FAM81B: variants seen among roughly 807,000 people sequenced by gnomAD.
FAM81B encodes the protein family with sequence similarity 81 member B.
A neutral mutation model predicts 58.7 loss-of-function variants in FAM81B; 60 were observed. The ratio of observed to expected loss-of-function variants is 1.02; its 90% CI spans 0.83 to 1.27. The LOEUF is 1.27. Among genes scored for constraint, FAM81B ranks in the 50% most tolerant of loss-of-function variants. The probability of loss-of-function intolerance (pLI) is 0.00; values close to 1 mark genes in which losing one functional copy is unlikely to be tolerated. For synonymous variants in FAM81B, 189 were observed against 179.6 expected (o/e 1.05, Z -0.42); for missense variants, 491 against 522.0 (o/e 0.94, Z 0.58).
At chr5:95,445,357 C>T (rs1438917408) in intron 7 of FAM81B, among the ~76,000 whole-genome samples, 1 of 152,168 alleles carries the variant, frequency 6.6e-6, no homozygotes, top group Admixed American at 6.5e-5. Flanking sequence ...AAGCCAACAT[C>T]TTATCATGAG....
intron 3 of FAM81B, chr5:95,410,870 CAAAT>C (rs2152762944): frequency 6.6e-6 from 1 of 152,170 alleles, no homozygotes; most frequent in South Asian, 2.1e-4. Flanking sequence ...CTGGCTCTAC[CAAAT>C]AAATAGTTCT....
At chr5:95,403,978 G>C (rs1762179333) in intron 3 of FAM81B, among the ~76,000 whole-genome samples, 1 of 152,126 alleles carries the variant, frequency 6.6e-6, no homozygotes, top group Admixed American at 6.5e-5. Context: ...GTAACCAATG[G>C]TATCTGCCAT....
intron 2 of FAM81B, 120 bp downstream of exon 2, chr5:95,393,017 G>T: frequency 1.1e-6 from 1 of 928,168 alleles, no homozygotes; most frequent in Non-Finnish European, 1.5e-6. Context: ...TTTCCTGTTT[G>T]TTCTGTCTTG....
At chr5:95,436,019 C>T (rs1008769224) in intron 6 of FAM81B, among the ~76,000 whole-genome samples, 2 of 152,142 alleles carry the variant, frequency 1.3e-5, no homozygotes, top group Non-Finnish European at 2.9e-5. Flanking sequence ...TCCATATGAC[C>T]GTCTTTATTA....
At chr5:95,424,445 A>G (rs900115744) in intron 5 of FAM81B, among the ~76,000 whole-genome samples, 29 of 137,124 alleles carry the variant, frequency 2.1e-4, no homozygotes, top group African/African-American at 7.0e-4. Context: ...AAGACAAAGA[A>G]TTTAAAAAAA....
chr5:95,412,214 C>T (rs537451182), intron 3 of FAM81B, among the ~76,000 whole-genome samples: 11 of 152,200 alleles, frequency 7.2e-5, no homozygotes, highest in African/African-American at 2.6e-4. Flanking sequence ...CATAGCACTG[C>T]TCTTTTTGAA....
chr5:95,399,005 C>G (rs61335740), intron 3 of FAM81B, among the ~76,000 whole-genome samples: 2,221 of 152,314 alleles, frequency 0.015, 60 homozygotes, highest in African/African-American at 0.05. Context: ...CAAATTCCAA[C>G]TTTCCTGAAC....
At chr5:95,448,027 G>A (rs1745649608) in intron 8 of FAM81B, among the ~76,000 whole-genome samples, 1 of 152,092 alleles carries the variant, frequency 6.6e-6, no homozygotes, top group Admixed American at 6.5e-5. Context: ...AATTCTCAAG[G>A]CATTTGGGCC....
chr5:95,422,883 C>A (rs1207163678), intron 5 of FAM81B, among the ~76,000 whole-genome samples: 5 of 152,232 alleles, frequency 3.3e-5, no homozygotes, highest in Admixed American at 6.5e-5. Flanking sequence ...TGCTTACCTT[C>A]CCCTTCAATC....
chr5:95,441,626 A>G (rs905380265), intron 7 of FAM81B, among the ~76,000 whole-genome samples: 1 of 152,090 alleles, frequency 6.6e-6, no homozygotes, highest in Admixed American at 6.6e-5. Context: ...AAAAGGTTAA[A>G]TAGGCAATCT....
At position 95,392,910 on chromosome 5, in the gene FAM81B, C is replaced by T. The variant is rs115702338; in HGVS notation, c.228+13C>T. 3.4e-4 allele frequency: 547 copies of T among 1,585,764 alleles called. 7 individuals are homozygous for T. In the African/African-American group the frequency reaches 5.5e-3, roughly 16 times the overall value. On this transcript the variant is annotated intron_variant, in intron 2 of 9. Coordinates refer to ENST00000283357, the MANE Select transcript of FAM81B (RefSeq NM_152548.3). ...CCAAGAAAAGAAAGCAAGTACTTTT[C>T]AATATTCACATTAAAAGTAGAATAC...
intron 3 of FAM81B, among the ~76,000 whole-genome samples, chr5:95,411,932 G>A (rs1762414726): frequency 6.6e-6 from 1 of 152,168 alleles, no homozygotes; most frequent in Admixed American, 6.5e-5. Flanking sequence ...TGCAAATGAT[G>A]TGAAGATGAA....
intron 5 of FAM81B, among the ~76,000 whole-genome samples, chr5:95,426,805 T>G (rs1412101213): frequency 6.6e-6 from 1 of 152,082 alleles, no homozygotes; most frequent in East Asian, 1.9e-4. Context: ...TCCCAGCACT[T>G]TGGGAGGCTG....
rs771407388 is a variant in FAM81B, at chr5:95,414,197, CTCTTTT to C, written c.537+9_537+14del. 6.3e-7 allele frequency: 1 copy of C among 1,587,368 alleles called. No individual in the cohort carries two copies. Among genetic ancestry groups the C allele is most frequent in the Admixed American group, 1.8e-5 (1 of 55,966 alleles). On this transcript the variant is annotated splice_region_variant and intron_variant, in intron 4 of 9. Coordinates refer to ENST00000283357, the MANE Select transcript of FAM81B (RefSeq NM_152548.3). ...ACTCAGCCAAAATATTGAGGTAGTT[CTCTTTT>C]TGTTTTATTTTGTTTTTGTTTTGTA...
rs571946587 is a variant in FAM81B at position 95,402,248 on chromosome 5, T to C, written c.293+6073T>C. ...ACATGCTCATGTGTTTGTTCTTCCA[T>C]GGTTGATTTAGAAAGGTCAATTGGA... On this transcript the variant is annotated intron_variant, in intron 3 of 9. Coordinates refer to ENST00000283357, the MANE Select transcript of FAM81B (RefSeq NM_152548.3). Among the ~76,000 whole-genome samples the C allele has an allele frequency of 3.5e-4, 54 of 152,344 alleles. No individual in the cohort carries two copies. In the South Asian group the frequency reaches 5.4e-3, roughly 15 times the overall value.
intron 2 of FAM81B, 54 bp from the exon 3 acceptor site, chr5:95,396,057 A>C (rs57231561): frequency 3.0e-6 from 4 of 1,345,608 alleles, no homozygotes; most frequent in Non-Finnish European, 4.2e-6. Flanking sequence ...ACTGCATAGA[A>C]GTAATCTGTA....
At chr5:95,404,057 G>T (rs563431728) in intron 3 of FAM81B, among the ~76,000 whole-genome samples, 1 of 152,158 alleles carries the variant, frequency 6.6e-6, no homozygotes, top group Non-Finnish European at 1.5e-5. Flanking sequence ...ATAAGTGTCT[G>T]TACAAGACTG....
chr5:95,436,158 C>T (rs924109315), intron 6 of FAM81B, among the ~76,000 whole-genome samples: 1 of 152,154 alleles, frequency 6.6e-6, no homozygotes. Flanking sequence ...CATAAAGAAA[C>T]TTTCTCAATG....
chr5:95,431,836 G>A (rs1003537525), intron 6 of FAM81B, among the ~76,000 whole-genome samples: 5 of 151,954 alleles, frequency 3.3e-5, no homozygotes, highest in Non-Finnish European at 7.4e-5. Context: ...ATTATAGTAA[G>A]TTTTTAGTTT....
Sources: gnomAD v4.1 joint callset for allele counts (sites outside exome capture counted in the v4.1 genomes callset) on GRCh38, gnomAD v4.1.1 for gene constraint, MANE v1.5 for transcripts, NCBI Gene and HGNC (gene_info 2026-07-23, HGNC 2026-07-21) for gene names.